Variants in PIGG observed in about 807,000 individuals in gnomAD.
PIGG encodes the protein GPI ethanolamine phosphate transferase 2, catalytic subunit.
Under a neutral mutation model 83.2 loss-of-function variants are expected in PIGG, and 70 were observed. The observed-to-expected ratio is 0.84, with a 90% confidence interval of 0.69 to 1.03. PIGG has a LOEUF of 1.03. Among genes scored for constraint, PIGG ranks in the 50% least tolerant of loss-of-function variants. PIGG has a pLI of 0.00. For missense variants in PIGG, 1,257 were observed against 1,233.6 expected, an observed-to-expected ratio of 1.02 and a Z score of -0.28; for synonymous variants, 532 against 519.5, an observed-to-expected ratio of 1.02 and a Z score of -0.33.
intron 5 of PIGG, among the ~76,000 whole-genome samples, chr4:512,947 GATCGT>G (rs1348931347): frequency 5.9e-5 from 9 of 152,166 alleles, no homozygotes; most frequent in African/African-American, 1.4e-4. Flanking sequence ...ATGAGAGGGA[GATCGT>G]ATAACCAACC....
intron 2 of PIGG, among the ~76,000 whole-genome samples, chr4:504,907 T>G (rs1577011704): frequency 6.6e-6 from 1 of 152,186 alleles, no homozygotes; most frequent in African/African-American, 2.4e-5. Flanking sequence ...GAAGAGACTA[T>G]CCCAGTGGCC....
chr4:516,620 G>A (rs1021575624), intron 6 of PIGG, among the ~76,000 whole-genome samples: 1 of 152,128 alleles, frequency 6.6e-6, no homozygotes, highest in African/African-American at 2.4e-5. Flanking sequence ...CACTTTGGGA[G>A]GCCAAGGCAG....
Position 528,114 on chromosome 4 carries a change from CAGTG to C in PIGG, c.2261+887_2261+890del. On this transcript the variant is annotated intron_variant, in intron 10 of 12. Coordinates refer to ENST00000453061, the MANE Select transcript of PIGG (RefSeq NM_001127178.3). This position sits in a 1 kb window ranked among gnomAD's most constrained non-coding sequence, Gnocchi z 4.8. ...GTCGGTGCTCTGATAGTGACCCTCT[CAGTG>C]AGGTCGGTGCTCTGCAGAGGGGTCT... The C allele has an allele frequency of 1.0e-6, 1 of 985,378 alleles. No individual in the cohort carries two copies. Among genetic ancestry groups the C allele is most frequent in the Non-Finnish European group, 1.2e-6 (1 of 829,926 alleles). 61.0% of individuals were successfully genotyped at this position (985,378 alleles called of 1,614,324 possible).
chr4:511,589 A>G (rs1721980419), intron 5 of PIGG, among the ~76,000 whole-genome samples: 1 of 152,258 alleles, frequency 6.6e-6, no homozygotes, highest in Admixed American at 6.5e-5. Context: ...AACTGATGGC[A>G]TAGTGATATA....
At chr4:530,793 T>C in intron 11 of PIGG, 48 bp downstream of exon 11, 1 of 1,277,178 alleles carries the variant, frequency 7.8e-7, no homozygotes, top group Non-Finnish European at 1.1e-6. Flanking sequence ...GTTTTACATA[T>C]TTATTTTAAA....
At chr4:500,655 G>T in intron 2 of PIGG, 54 bp downstream of exon 2, 1 of 1,136,968 alleles carries the variant, frequency 8.8e-7, no homozygotes. Flanking sequence ...TGAAGATTTA[G>T]AGGGGGTCTC....
rs1380722934 is a variant in PIGG, at chr4:511,293, CT to C, written c.901+2326del. Among the ~76,000 whole-genome samples the C allele has an allele frequency of 6.8e-5, 7 of 103,682 alleles. 1 individual carries two copies. The highest frequency in any genetic ancestry group is 6.4e-4 in the South Asian group (2 of 3,120). The allele number at this position is 103,682 out of a possible 152,430, so 68.0% of individuals were successfully genotyped here. A position where few individuals can be genotyped will look rare whatever the true frequency, so the allele number is the denominator to read the frequency against. Reference sequence around the variant, plus strand: ...GGGCAACAGGAGTGAAACTCCCCATCTTTAAAAAAAAAAAAAAAAAAAAAGA... The same window carrying C: ...GGGCAACAGGAGTGAAACTCCCCATCTTAAAAAAAAAAAAAAAAAAAAAGA... On this transcript the variant is annotated intron_variant, in intron 5 of 12. Coordinates refer to ENST00000453061, the MANE Select transcript of PIGG (RefSeq NM_001127178.3).
chr4:506,844 C>A (rs1440025429), intron 3 of PIGG: 6 of 454,908 alleles, frequency 1.3e-5, no homozygotes, highest in Non-Finnish European at 1.8e-5. Context: ...GCTTCATCAT[C>A]CTGCTGGTTA....
In PIGG at chr4:528,054, G is replaced by T. The variant is rs1728142224; in HGVS notation, c.2261+824G>T. 5.1e-6 allele frequency: 5 copies of T among 985,366 alleles called. No individual in the cohort carries two copies. Among genetic ancestry groups the T allele is most frequent in the Non-Finnish European group, 6.0e-6 (5 of 829,898 alleles). The allele number at this position is 985,366 out of a possible 1,614,324, so 61.0% of individuals were successfully genotyped here. A position where few individuals can be genotyped will look rare whatever the true frequency, so the allele number is the denominator to read the frequency against. ...GCAGCAATACAGTGATCCTCCCAGTGAGGTCGGTGCTCTGACAGTGACCGT... is the reference window on the plus strand; with the variant it reads ...GCAGCAATACAGTGATCCTCCCAGTTAGGTCGGTGCTCTGACAGTGACCGT... On this transcript the variant is annotated intron_variant, in intron 10 of 12. Coordinates refer to ENST00000453061, the MANE Select transcript of PIGG (RefSeq NM_001127178.3). This position sits in a 1 kb window ranked among gnomAD's most constrained non-coding sequence, Gnocchi z 4.8.
At chr4:501,028 A>G (rs1717503706) in intron 2 of PIGG, 8 of 416,366 alleles carry the variant, frequency 1.9e-5, no homozygotes, top group Non-Finnish European at 2.8e-5. Flanking sequence ...AAAATTATCC[A>G]CCAGTATACA....
At chr4:511,888 T>C (rs1041688652) in intron 5 of PIGG, among the ~76,000 whole-genome samples, 4 of 152,244 alleles carry the variant, frequency 2.6e-5, no homozygotes, top group Admixed American at 1.3e-4. Flanking sequence ...GGCTGTTTTT[T>C]CTTTCAGCAC....
intron 4 of PIGG, among the ~76,000 whole-genome samples, chr4:508,030 C>T (rs1215939596): frequency 6.6e-6 from 1 of 152,170 alleles, no homozygotes; most frequent in Non-Finnish European, 1.5e-5. Context: ...TCTGTCTGTT[C>T]TGTGTCTCTG....
Position 515,661 on chromosome 4 carries a change from G to C in PIGG, c.902-312G>C, listed in dbSNP as rs372279280. On this transcript the variant is annotated intron_variant, in intron 5 of 12. Coordinates refer to ENST00000453061, the MANE Select transcript of PIGG (RefSeq NM_001127178.3). This position sits in a 1 kb window ranked among gnomAD's most constrained non-coding sequence, Gnocchi z 4.2. Reference sequence around the variant, plus strand: ...CTTGCCAAAGTGACAGTCCCTCCGTGTCTGCGGGACCACCTGCTTCCTCTG... The same window carrying C: ...CTTGCCAAAGTGACAGTCCCTCCGTCTCTGCGGGACCACCTGCTTCCTCTG... Among the ~76,000 whole-genome samples the C allele has an allele frequency of 8.5e-5, 13 of 152,348 alleles. No individual in the cohort carries two copies. The South Asian group carries it at 1.9e-3, about 22-fold the overall frequency.
At chr4:520,422 G>GGGGC (rs1725438403) in intron 6 of PIGG, among the ~76,000 whole-genome samples, 1 of 152,242 alleles carries the variant, frequency 6.6e-6, no homozygotes, top group Non-Finnish European at 1.5e-5. Context: ...GCTCCATCCA[G>GGGGC]AGGCAGGGCA....
At chr4:501,212 T>C in intron 2 of PIGG, 1 of 452,300 alleles carries the variant, frequency 2.2e-6, no homozygotes, top group Non-Finnish European at 4.4e-6. Flanking sequence ...GAGCAACGAC[T>C]ATGTGGTGAT....
At chr4:522,521 G>A (rs927183778) in intron 8 of PIGG, 6 of 187,800 alleles carry the variant, frequency 3.2e-5, no homozygotes, top group Non-Finnish European at 6.8e-5. Flanking sequence ...AGGAAGAGGC[G>A]GATGGTCACA....
rs1386175805 is a variant in PIGG at position 502,878 on chromosome 4, T to C, written c.360+2277T>C. Among the ~76,000 whole-genome samples, 3 of 151,664 alleles carry C rather than the reference T, an allele frequency of 2.0e-5. No homozygotes were observed. In the South Asian group the frequency reaches 6.3e-4, roughly 32 times the overall value. ...CAACAACATGATAAACTGAAGAAAT[T>C]ATTGACAGTGGACATGGCATACAAG... On this transcript the variant is annotated intron_variant, in intron 2 of 12. Coordinates refer to ENST00000453061, the MANE Select transcript of PIGG (RefSeq NM_001127178.3).
At chr4:499,838 C>A in intron 1 of PIGG, 1 of 637,712 alleles carries the variant, frequency 1.6e-6, no homozygotes, top group Non-Finnish European at 2.1e-6. Flanking sequence ...CCCTTTTTGC[C>A]CCCTAGCACA....
intron 12 of PIGG, among the ~76,000 whole-genome samples, chr4:534,661 T>A (rs1416818260): frequency 6.6e-6 from 1 of 152,186 alleles, no homozygotes; most frequent in Non-Finnish European, 1.5e-5. Flanking sequence ...TGAGGTCTCC[T>A]CTCCAACACC....
Sources: allele counts gnomAD v4.1 joint callset (sites outside exome capture counted in the v4.1 genomes callset), GRCh38; gene constraint gnomAD v4.1.1; non-coding constraint Gnocchi (gnomAD v3.1); transcripts MANE v1.5; gene names NCBI Gene and HGNC (gene_info 2026-07-23, HGNC 2026-07-21).